Variants in NTRK3 observed in about 807,000 individuals in gnomAD.
NTRK3 encodes the protein neurotrophic receptor tyrosine kinase 3, also known as NT-3 growth factor receptor.
NTRK3 carries 24 observed loss-of-function variants against 91.7 expected under a neutral mutation model. The ratio of observed to expected loss-of-function variants is 0.26; its 90% confidence interval spans 0.19 to 0.37. The LOEUF is 0.37. Ranked by LOEUF, NTRK3 falls within the 10% of genes least tolerant of loss-of-function variation. The pLI, the probability that NTRK3 is intolerant of heterozygous loss-of-function variation, is 1.00. For synonymous variants in NTRK3, 483 were observed against 404.0 expected, an observed-to-expected ratio of 1.20 and a Z score of -2.34; for missense variants, 880 against 1,068.9, an observed-to-expected ratio of 0.82 and a Z score of 2.46.
chr15:88,024,426 G>A (rs1049061084), intron 14 of NTRK3, among the ~76,000 whole-genome samples: 5 of 152,148 alleles, frequency 3.3e-5, no homozygotes, highest in African/African-American at 1.2e-4. Context: ...GAGAGTGCCT[G>A]GTACTTAAGA....
Position 87,933,221 on chromosome 15 carries a change from CA to C in NTRK3, c.1717-38del, listed in dbSNP as rs1567123837. 4 of 1,610,176 alleles carry C rather than the reference CA, an allele frequency of 2.5e-6. No homozygotes were observed. The South Asian group carries it at 4.4e-5, about 18-fold the overall frequency. On this transcript the variant is annotated intron_variant, in intron 15 of 18. Transcript: ENST00000394480. ...GCAGGACACAGGTGTTTAACAACTA[CA>C]GGGCAGGGGGCTGTCTTTTCTACTC...
At chr15:88,032,348 G>T (rs182164063) in intron 14 of NTRK3, among the ~76,000 whole-genome samples, 1 of 152,104 alleles carries the variant, frequency 6.6e-6, no homozygotes, top group Non-Finnish European at 1.5e-5. Flanking sequence ...AGTTCCTAGC[G>T]CTGGGGCTGT....
chr15:87,920,310 A>G (rs2067767800), intron 17 of NTRK3, among the ~76,000 whole-genome samples: 2 of 152,224 alleles, frequency 1.3e-5, no homozygotes, highest in African/African-American at 4.8e-5. Flanking sequence ...ACAACTTAAT[A>G]GGTCTTAGCA....
intron 18 of NTRK3, among the ~76,000 whole-genome samples, chr15:87,878,906 GGTGTGTGTGTGT>G (rs34029623): frequency 0.04 from 5,725 of 141,966 alleles, 150 homozygotes; most frequent in African/African-American, 0.069. Context: ...GTGCATGCAT[GGTGTGTGTGTGT>G]GTGTGTGTGT....
intron 6 of NTRK3, among the ~76,000 whole-genome samples, chr15:88,143,384 C>T (rs182055871): frequency 2.3e-3 from 356 of 152,322 alleles, no homozygotes; most frequent in African/African-American, 5.6e-3. Flanking sequence ...CGGGTTCTCC[C>T]GCAGAGCCTT....
At chr15:88,206,756 C>A (rs1014310129) in intron 3 of NTRK3, among the ~76,000 whole-genome samples, 2 of 152,118 alleles carry the variant, frequency 1.3e-5, no homozygotes, top group African/African-American at 4.8e-5. Context: ...GCGGGCGGGG[C>A]CGGGTCTTTC....
In NTRK3 at chr15:88,093,817, C is replaced by T. The variant is rs553430750; in HGVS notation, c.1396+32454G>A. 2.0e-4 allele frequency among the ~76,000 whole-genome samples: 30 copies of T among 152,104 alleles called. No individual in the cohort carries two copies. In the South Asian group the frequency reaches 2.1e-3, roughly 11 times the overall value. ...TGTAACACTCTCTGTGGGCCTCAAG[C>T]GGGGGGGTTGCTATAAAGTTAATAT... On this transcript the variant is annotated intron_variant, in intron 13 of 18. Transcript: ENST00000394480.
At chr15:88,194,863 C>G (rs1216296520) in intron 3 of NTRK3, among the ~76,000 whole-genome samples, 1 of 152,224 alleles carries the variant, frequency 6.6e-6, no homozygotes, top group Non-Finnish European at 1.5e-5. Flanking sequence ...TTCAGCCTCA[C>G]TGGTCTCCTC....
At chr15:88,048,101 C>A in intron 13 of NTRK3, among the ~76,000 whole-genome samples, 1 of 152,240 alleles carries the variant, frequency 6.6e-6, no homozygotes, top group Admixed American at 6.5e-5. Flanking sequence ...TTGATGACAA[C>A]GACGCAGCCA....
At chr15:87,987,646 C>T (rs2074937693) in intron 14 of NTRK3, among the ~76,000 whole-genome samples, 1 of 151,672 alleles carries the variant, frequency 6.6e-6, no homozygotes, top group South Asian at 2.1e-4. Flanking sequence ...TCTCAAGATA[C>T]TGTTTGTCTT....
At chr15:88,016,457 T>C (rs987207068) in intron 14 of NTRK3, among the ~76,000 whole-genome samples, 2 of 152,198 alleles carry the variant, frequency 1.3e-5, no homozygotes, top group African/African-American at 4.8e-5. Flanking sequence ...TCCTGGACCG[T>C]AAGAGTTGCA....
At chr15:87,955,442 G>A (rs766903869) in intron 14 of NTRK3, among the ~76,000 whole-genome samples, 1 of 152,238 alleles carries the variant, frequency 6.6e-6, no homozygotes, top group Non-Finnish European at 1.5e-5. Context: ...TGGGGACACG[G>A]CATGGCTCAG....
chr15:87,940,777 G>T (rs200324887), intron 14 of NTRK3, 24 bp from the exon 15 acceptor site: 2 of 1,614,044 alleles, frequency 1.2e-6, no homozygotes, highest in African/African-American at 1.3e-5. Flanking sequence ...ACAAAGAGGA[G>T]GGCAGCAAAT....
chr15:88,085,879 G>C (rs2048453878), intron 13 of NTRK3, among the ~76,000 whole-genome samples: 1 of 152,214 alleles, frequency 6.6e-6, no homozygotes. Context: ...AGATTAATGA[G>C]GACATGGCTA....
chr15:87,996,379 G>C (rs555210249), intron 14 of NTRK3, among the ~76,000 whole-genome samples: 1 of 152,324 alleles, frequency 6.6e-6, no homozygotes, highest in South Asian at 2.1e-4. Flanking sequence ...CTGGACACGT[G>C]ATACATTAGG....
At chr15:88,232,623 G>C (rs1176895155) in intron 3 of NTRK3, among the ~76,000 whole-genome samples, 1 of 152,168 alleles carries the variant, frequency 6.6e-6, no homozygotes, top group Non-Finnish European at 1.5e-5. Context: ...AAAGGAACCG[G>C]CTTCTGACAA....
intron 3 of NTRK3, among the ~76,000 whole-genome samples, chr15:88,196,485 A>C (rs2047835322): frequency 6.6e-6 from 1 of 152,210 alleles, no homozygotes; most frequent in African/African-American, 2.4e-5. Flanking sequence ...AGCTCCTGTA[A>C]GACCTGAGCA....
exon 19 of NTRK3, chr15:87,875,092 C>T (rs1231330437): frequency 8.7e-6 from 2 of 230,792 alleles, no homozygotes; most frequent in South Asian, 3.6e-4. Context: ...CAGTACTAAA[C>T]CCCACATAGG....
At chr15:88,197,881 T>C (rs1567629155) in intron 3 of NTRK3, among the ~76,000 whole-genome samples, 1 of 152,126 alleles carries the variant, frequency 6.6e-6, no homozygotes, top group Non-Finnish European at 1.5e-5. Context: ...TTTGTTATAA[T>C]GAAAAAAAAT....
Sources: allele counts gnomAD v4.1 joint callset (sites outside exome capture counted in the v4.1 genomes callset), GRCh38; gene constraint gnomAD v4.1.1; transcripts MANE v1.5; gene names NCBI Gene and HGNC (gene_info 2026-07-23, HGNC 2026-07-21).